The following NFATC2 variants were observed in gnomAD, a reference collection of about 807,000 sequenced individuals.
The protein encoded by NFATC2 is nuclear factor of activated T-cells, cytoplasmic 2.
Under a neutral mutation model 87.3 loss-of-function variants are expected in NFATC2, and 22 were observed. The ratio of observed to expected loss-of-function variants is 0.25; its 90% CI spans 0.18 to 0.36. The LOEUF (loss-of-function observed/expected upper bound fraction) is 0.36. NFATC2 is among the 10% of genes least tolerant of loss of function. NFATC2 has a pLI of 1.00. For missense variants in NFATC2, 1,149 were observed against 1,259.1 expected (o/e 0.91, Z 1.32); for synonymous variants, 565 against 542.2 (o/e 1.04, Z -0.58).
chr20:51,524,083 C>A lies in NFATC2; in HGVS notation c.158G>T (p.Ser53Ile). 6.8e-7 allele frequency: 1 copy of A among 1,472,130 alleles called. No homozygotes were observed. The highest frequency in any genetic ancestry group is 9.0e-7 in the Non-Finnish European group (1 of 1,114,728). The allele number at this position is 1,472,130 out of a possible 1,614,324, so 91.2% of individuals were successfully genotyped here. Residue 53 changes from serine (S) to isoleucine (I), a missense_variant, in exon 2 of 11, where the codon AGC becomes ATC. Ser to Ile is a moderately radical substitution (Grantham distance 142). This residue lies in a region of NFATC2 where 563 missense variants were observed against 585.2 expected (regional missense o/e 0.96). Coordinates refer to ENST00000371564, the MANE Select transcript of NFATC2 (RefSeq NM_012340.5). The surrounding 1 kb of genome is among the most constrained non-coding windows in gnomAD (Gnocchi z 4.0). ...GGGGTATGCGGGTCCGGAGGGTGGG[C>A]TGGCGACCTTATGTGCATTCGGCTC... ...EEEPNAHKVASPPSGPAYPDD... is the reference protein window; with the variant it reads ...EEEPNAHKVAIPPSGPAYPDD...
chr20:51,435,045 G>A (rs1983353468), intron 8 of NFATC2, 143 bp downstream of exon 8: 5 of 1,011,368 alleles, frequency 4.9e-6, no homozygotes, highest in Non-Finnish European at 5.9e-6. Context: ...GGAAGATGCT[G>A]TCTCACAGAT....
Position 51,524,178 on chromosome 20 carries a change from C to T in NFATC2, c.131-68G>A, listed in dbSNP as rs2076505612. ...AACAGAACTCCCGGTGCAGAGCAAT[C>T]ACAGGCTGGATTTCGTCTCACGTCG... On this transcript the variant is annotated intron_variant, in intron 1 of 10. Transcript: ENST00000371564. The surrounding 1 kb of genome is among the most constrained non-coding windows in gnomAD (Gnocchi z 4.0). 7.5e-7 allele frequency: 1 copy of T among 1,333,844 alleles called. No homozygotes were observed. The highest frequency in any genetic ancestry group is 9.8e-7 in the Non-Finnish European group (1 of 1,022,240). The allele number at this position is 1,333,844 out of a possible 1,614,324, so 82.6% of individuals were successfully genotyped here.
chr20:51,525,039 G>A (rs1226200442), intron 1 of NFATC2, among the ~76,000 whole-genome samples: 1 of 152,016 alleles, frequency 6.6e-6, no homozygotes, highest in East Asian at 1.9e-4. Context: ...GGCCAACATG[G>A]TGAAACCCCA....
At position 51,523,723 on chromosome 20, in the gene NFATC2, C is replaced by T; in HGVS notation, c.518G>A (p.Gly173Asp). 6.2e-7 allele frequency: 1 copy of T among 1,612,102 alleles called. No homozygotes were observed. The highest frequency in any genetic ancestry group is 8.5e-7 in the Non-Finnish European group (1 of 1,178,890). Reference sequence around the variant, plus strand: ...GTCAGAAATGAAGCTGGCAGAGGAGCCGCTGCTAGCGGGGCTCAAGCAAAG... The same window carrying T: ...GTCAGAAATGAAGCTGGCAGAGGAGTCGCTGCTAGCGGGGCTCAAGCAAAG... ...EPLCLSPASS[G>D]SSASFISDTF... The change falls in exon 2 of 11, where the codon GGC becomes GAC. Residue 173 changes from glycine to aspartate, a missense_variant. Around this residue, in one of 3 missense-constraint regions of NFATC2, gnomAD observed 563 missense variants for 585.2 expected, o/e 0.96. Transcript: ENST00000371564. The surrounding 1 kb of genome is among the most constrained non-coding windows in gnomAD (Gnocchi z 6.9).
intron 1 of NFATC2, among the ~76,000 whole-genome samples, chr20:51,548,006 T>A (rs2076903243): frequency 6.6e-6 from 1 of 152,140 alleles, no homozygotes; most frequent in Non-Finnish European, 1.5e-5. Context: ...ATACATCTGA[T>A]AAACCCTCCA....
Position 51,436,411 on chromosome 20 carries a change from A to ATTT in NFATC2, c.1850-651_1850-650insAAA, listed in dbSNP as rs1452457274. Among the ~76,000 whole-genome samples, 643 of 65,316 alleles carry ATTT rather than the reference A, an allele frequency of 9.8e-3. 4 individuals are homozygous for ATTT. Among genetic ancestry groups the ATTT allele is most frequent in the South Asian group, 0.018 (31 of 1,764 alleles). 42.8% of individuals were successfully genotyped at this position (65,316 alleles called of 152,430 possible). Reference sequence around the variant, plus strand: ...TCTTTCTATTTTTTTTTTTTTTTTAAAAAGGCATTATTAAGGGCTGGGCAT... The same window carrying ATTT: ...TCTTTCTATTTTTTTTTTTTTTTTAATTTAAAGGCATTATTAAGGGCTGGGCAT... On this transcript the variant is annotated intron_variant, in intron 6 of 10. Coordinates refer to ENST00000371564, the MANE Select transcript of NFATC2 (RefSeq NM_012340.5).
chr20:51,430,694 C>A lies in NFATC2; in HGVS notation c.2722+1373G>T, dbSNP rs191600924. On this transcript the variant is annotated intron_variant, in intron 9 of 10. Transcript: ENST00000371564. The stretch of plus-strand genomic sequence containing the variant: ...AGAAGTCACAGAGCCCCCAGATAAC[C>A]TGGCTTGTCAAGACGTTTTGTAGAG... 2.3e-3 allele frequency among the ~76,000 whole-genome samples: 351 copies of A among 152,306 alleles called. 9 individuals carry two copies. The highest frequency in any genetic ancestry group is 6.0e-4 in the Non-Finnish European group (41 of 68,026).
intron 6 of NFATC2, among the ~76,000 whole-genome samples, chr20:51,449,416 C>T (rs1985497497): frequency 6.6e-6 from 1 of 152,094 alleles, no homozygotes; most frequent in African/African-American, 2.4e-5. Context: ...CCTAACACCC[C>T]CGATTGTCTC....
At chr20:51,438,813 G>A (rs715147) in intron 6 of NFATC2, among the ~76,000 whole-genome samples, 66,392 of 152,108 alleles carry the variant, frequency 0.44, 15,856 homozygotes, top group South Asian at 0.53. Context: ...AGCCAGCCCT[G>A]CACTGGCAGA....
chr20:51,508,113 C>T (rs1324293800), intron 3 of NFATC2, among the ~76,000 whole-genome samples: 1 of 152,178 alleles, frequency 6.6e-6, no homozygotes, highest in Admixed American at 6.5e-5. Context: ...TTCTGGAAGC[C>T]TTCTGTTTTC....
chr20:51,499,448 AAG>A (rs983946042), intron 3 of NFATC2, among the ~76,000 whole-genome samples: 39 of 152,272 alleles, frequency 2.6e-4, no homozygotes, highest in African/African-American at 9.1e-4. Flanking sequence ...GAGAAAGAGA[AAG>A]AGATTCAAAA....
intron 3 of NFATC2, among the ~76,000 whole-genome samples, chr20:51,476,197 A>G (rs1271034075): frequency 1.3e-5 from 2 of 149,508 alleles, no homozygotes; most frequent in Non-Finnish European, 1.5e-5. Flanking sequence ...ATTTAACATT[A>G]GGTATATCTC....
At chr20:51,556,509 C>T (rs112012241) in intron 1 of NFATC2, among the ~76,000 whole-genome samples, 4 of 152,306 alleles carry the variant, frequency 2.6e-5, no homozygotes, top group African/African-American at 9.6e-5. Flanking sequence ...CCTCATTCAC[C>T]GCTGAATCCC....
intron 6 of NFATC2, among the ~76,000 whole-genome samples, chr20:51,436,362 T>C (rs1319241755): frequency 1.3e-5 from 2 of 151,900 alleles, no homozygotes; most frequent in Non-Finnish European, 2.9e-5. Flanking sequence ...CTCCCATCAT[T>C]TTTTCCCTGT....
rs1015945436 is a variant in NFATC2 at position 51,534,356 on chromosome 20, C to T, written c.130+8014G>A. ...CCATCAGTTTTGTTTGTTTTTGAGA[C>T]AGAGTCTCACTCTTGTAGCACAGGC... On this transcript the variant is annotated intron_variant, in intron 1 of 10. Coordinates refer to ENST00000371564, the MANE Select transcript of NFATC2 (RefSeq NM_012340.5). Among the ~76,000 whole-genome samples the T allele has an allele frequency of 6.0e-4, 92 of 152,294 alleles. 1 individual carries two copies. Among genetic ancestry groups the T allele is most frequent in the Admixed American group, 5.8e-3 (89 of 15,298 alleles).
intron 1 of NFATC2, among the ~76,000 whole-genome samples, chr20:51,532,967 C>A (rs2076659990): frequency 6.6e-6 from 1 of 152,198 alleles, no homozygotes; most frequent in African/African-American, 2.4e-5. Context: ...CCACTGATCC[C>A]TGGCCAAGCT....
chr20:51,553,757 C>A (rs2076954480), intron 1 of NFATC2, among the ~76,000 whole-genome samples: 1 of 151,128 alleles, frequency 6.6e-6, no homozygotes, highest in African/African-American at 2.4e-5. Context: ...CTTAACTGAA[C>A]AGGAGATGCC....
intron 3 of NFATC2, among the ~76,000 whole-genome samples, chr20:51,512,010 A>G (rs374210515): frequency 2.0e-5 from 3 of 152,260 alleles, no homozygotes. Flanking sequence ...TCAGCCACAC[A>G]CAGTCCTTCC....
chr20:51,409,242 C>T (rs557839196), intron 9 of NFATC2, among the ~76,000 whole-genome samples: 1 of 152,168 alleles, frequency 6.6e-6, no homozygotes, highest in Non-Finnish European at 1.5e-5. Context: ...TATAACCCTA[C>T]AGAAAGTCCT....
Sources: allele counts gnomAD v4.1 joint callset (sites outside exome capture counted in the v4.1 genomes callset), GRCh38; gene constraint gnomAD v4.1.1; regional missense constraint gnomAD v4.1.1; non-coding constraint Gnocchi (gnomAD v3.1); transcripts MANE v1.5; gene names NCBI Gene and HGNC (gene_info 2026-07-23, HGNC 2026-07-21).